DDX60L: variants seen among roughly 807,000 people sequenced by gnomAD.
DDX60L encodes the protein probable ATP-dependent RNA helicase DDX60-like.
In DDX60L, 191 loss-of-function variants were observed where a neutral mutation model predicts 211.6. That is an observed-to-expected ratio of 0.90 (90% CI 0.80 to 1.02). DDX60L has a LOEUF of 1.02. DDX60L is among the 50% of genes least tolerant of loss of function. DDX60L has a pLI of 0.00. For synonymous variants in DDX60L, 706 were observed against 694.1 expected, an observed-to-expected ratio of 1.02 and a Z score of -0.27; for missense variants, 2,007 against 1,984.1, an observed-to-expected ratio of 1.01 and a Z score of -0.22.
At chr4:168,404,681 T>A (rs1747433349) in intron 24 of DDX60L, among the ~76,000 whole-genome samples, 1 of 152,182 alleles carries the variant, frequency 6.6e-6, no homozygotes, top group Admixed American at 6.5e-5. Flanking sequence ...TTGTGGATAG[T>A]AACTTTTATC....
At chr4:168,372,009 G>A (rs996464612) in intron 35 of DDX60L, among the ~76,000 whole-genome samples, 2 of 152,102 alleles carry the variant, frequency 1.3e-5, no homozygotes, top group Non-Finnish European at 2.9e-5. Flanking sequence ...GGGCAGCACC[G>A]CTGAGGGAAA....
chr4:168,442,348 G>A (rs1446120444), intron 9 of DDX60L, among the ~76,000 whole-genome samples: 2 of 152,140 alleles, frequency 1.3e-5, no homozygotes, highest in Non-Finnish European at 2.9e-5. Context: ...GGCTCAGAGG[G>A]TCCTACGCCC....
intron 7 of DDX60L, among the ~76,000 whole-genome samples, chr4:168,455,499 A>G (rs1756430220): frequency 6.6e-6 from 1 of 152,196 alleles, no homozygotes; most frequent in African/African-American, 2.4e-5. Context: ...TGTGGAGCCA[A>G]CCATCCTAGT....
chr4:168,449,670 A>G (rs1217263698), intron 8 of DDX60L, among the ~76,000 whole-genome samples: 4 of 145,864 alleles, frequency 2.7e-5, no homozygotes, highest in African/African-American at 7.5e-5. Flanking sequence ...AAAAAAGAAA[A>G]AAGAAAAAAA....
chr4:168,448,035 A>T (rs1755097499), intron 9 of DDX60L, among the ~76,000 whole-genome samples: 1 of 152,172 alleles, frequency 6.6e-6, no homozygotes. Flanking sequence ...TAATAAAAAA[A>T]AAAGGAGTTT....
chr4:168,459,760 G>A (rs1245639078), intron 5 of DDX60L, among the ~76,000 whole-genome samples: 1 of 135,126 alleles, frequency 7.4e-6, no homozygotes, highest in African/African-American at 2.9e-5. Flanking sequence ...CAAAGGGAGG[G>A]AAGGAAGGAA....
chr4:168,405,832 A>G (rs1561002056), intron 24 of DDX60L, 118 bp downstream of exon 24: 1 of 1,111,680 alleles, frequency 9.0e-7, no homozygotes, highest in Non-Finnish European at 1.2e-6. Context: ...TTTAAATGGA[A>G]TTACTAAAAC....
intron 11 of DDX60L, 23 bp from the exon 12 acceptor site, chr4:168,432,593 T>C: frequency 7.1e-7 from 1 of 1,407,352 alleles, no homozygotes; most frequent in Non-Finnish European, 9.5e-7. Flanking sequence ...ATACATAATT[T>C]TTTTAAATTT....
At chr4:168,406,790 C>A (rs769350697) in intron 22 of DDX60L, 84 bp from the exon 23 acceptor site, 6 of 1,014,662 alleles carry the variant, frequency 5.9e-6, no homozygotes, top group Admixed American at 2.8e-5. Context: ...CATGACTAAA[C>A]CCTCAAGTCT....
Position 168,423,637 on chromosome 4 carries a change from C to G in DDX60L, c.2068G>C (p.Asp690His). Residue 690 changes from aspartate to histidine, a missense_variant, in exon 15 of 38, where the codon GAT becomes CAT. Asp to His is a moderately conservative substitution (Grantham distance 81). Transcript: ENST00000682922. ...AKCLKYLGFN[D>H]LANSLDPTLI... ...GTTGGATCCAAAGAGTTTGCCAGAT[C>G]ATTAAAGCCTAAATATTTAAGGCAT... is the stretch of plus-strand genomic sequence containing the variant. 1 of 1,586,630 alleles carries G rather than the reference C, an allele frequency of 6.3e-7. No individual in the cohort carries two copies. The highest frequency in any genetic ancestry group is 8.6e-7 in the Non-Finnish European group (1 of 1,167,876).
intron 36 of DDX60L, among the ~76,000 whole-genome samples, chr4:168,365,632 A>C (rs966841886): frequency 6.6e-6 from 1 of 151,986 alleles, no homozygotes; most frequent in Non-Finnish European, 1.5e-5. Context: ...TCAAGCTATT[A>C]AGGGAATTTA....
intron 29 of DDX60L, among the ~76,000 whole-genome samples, 167 bp from the exon 30 acceptor site, chr4:168,384,979 GC>G (rs1743612140): frequency 6.6e-6 from 1 of 152,156 alleles, no homozygotes; most frequent in African/African-American, 2.4e-5. Context: ...GTGTGGCTGG[GC>G]AAAAGAGATA....
At chr4:168,383,865 T>C (rs1000379243) in intron 30 of DDX60L, among the ~76,000 whole-genome samples, 4 of 152,180 alleles carry the variant, frequency 2.6e-5, no homozygotes, top group Admixed American at 2.0e-4. Flanking sequence ...TTCAAAGTAT[T>C]GATCCTAGGT....
In DDX60L at chr4:168,371,744, CCGA is replaced by C; in HGVS notation, c.4793_4795del (p.Val1598del). 6.2e-7 allele frequency: 1 copy of C among 1,605,606 alleles called. No homozygotes were observed. Among genetic ancestry groups the C allele is most frequent in the Non-Finnish European group, 8.5e-7 (1 of 1,173,992 alleles). On this transcript the variant is annotated inframe_deletion, in exon 36 of 38. Transcript: ENST00000682922. ...CAGAGGAGCCTGAGTGCCACTAACACCGACTGTGCGCAGGATGACCTGAAGAAA... is the reference window on the plus strand; with the variant it reads ...CAGAGGAGCCTGAGTGCCACTAACACCTGTGCGCAGGATGACCTGAAGAAA...
intron 32 of DDX60L, 50 bp downstream of exon 32, chr4:168,379,313 C>G: frequency 6.9e-7 from 1 of 1,445,336 alleles, no homozygotes; most frequent in East Asian, 2.5e-5. Context: ...TTTGGCTATT[C>G]AATAAATATG....
Position 168,422,552 on chromosome 4 carries a change from AC to A in DDX60L, c.2215del (p.Val739SerfsTer17). On this transcript the variant is annotated frameshift_variant, in exon 16 of 38. Transcript: ENST00000682922. LOFTEE classifies it high-confidence loss of function. ...CCATGCGTTGGGAATAAAATCCTGGACCCTGGGATCCCGATCTTTTCTTTCA... is the reference window on the plus strand; with the variant it reads ...CCATGCGTTGGGAATAAAATCCTGGACCTGGGATCCCGATCTTTTCTTTCA... ...RDERKDRDPR[V>X]QDFIPNAWQQ... 6.2e-7 allele frequency: 1 copy of A among 1,612,676 alleles called. No homozygotes were observed. Among genetic ancestry groups the A allele is most frequent in the Non-Finnish European group, 8.5e-7 (1 of 1,179,628 alleles).
At chr4:168,403,776 A>G (rs1316158032) in intron 25 of DDX60L, among the ~76,000 whole-genome samples, 2 of 152,176 alleles carry the variant, frequency 1.3e-5, no homozygotes, top group Non-Finnish European at 2.9e-5. Flanking sequence ...TAAGAGGGTA[A>G]TAAGATGAAA....
chr4:168,447,495 C>T (rs1579715140), intron 9 of DDX60L, among the ~76,000 whole-genome samples: 1 of 151,990 alleles, frequency 6.6e-6, no homozygotes, highest in East Asian at 1.9e-4. Context: ...GGATCTAGAC[C>T]TGGAAATACC....
intron 4 of DDX60L, among the ~76,000 whole-genome samples, chr4:168,467,578 G>A (rs745345258): frequency 2.0e-5 from 3 of 151,962 alleles, no homozygotes; most frequent in Admixed American, 2.0e-4. Flanking sequence ...AGATAAGGCG[G>A]GCAAATCCCT....
Sources: gnomAD v4.1 joint callset for allele counts (sites outside exome capture counted in the v4.1 genomes callset) on GRCh38, gnomAD v4.1.1 for gene constraint, MANE v1.5 for transcripts, NCBI Gene and HGNC (gene_info 2026-07-23, HGNC 2026-07-21) for gene names.